Variants in PI4KA observed in about 807,000 individuals in gnomAD.
PI4KA encodes the protein phosphatidylinositol 4-kinase alpha, also known as PI4-kinase alpha.
PI4KA carries 122 observed loss-of-function variants against 271.4 expected under a neutral mutation model. The ratio of observed to expected loss-of-function variants is 0.45; its 90% CI spans 0.39 to 0.52. PI4KA has a LOEUF of 0.52. Ranked by LOEUF, PI4KA falls within the 20% of genes least tolerant of loss-of-function variation. PI4KA has a pLI of 0.00. For synonymous variants in PI4KA, 1,041 were observed against 1,078.8 expected, an observed-to-expected ratio of 0.96 and a Z score of 0.69; for missense variants, 1,969 against 2,769.1, an observed-to-expected ratio of 0.71 and a Z score of 6.48.
chr22:20,778,359 C>T (rs565939289), intron 19 of PI4KA, among the ~76,000 whole-genome samples: 1 of 152,138 alleles, frequency 6.6e-6, no homozygotes, highest in South Asian at 2.1e-4. Flanking sequence ...CAAAAATTAA[C>T]CAGGCGTAGT....
chr22:20,715,000 TG>T (rs1925796894), intron 45 of PI4KA, among the ~76,000 whole-genome samples: 1 of 152,034 alleles, frequency 6.6e-6, no homozygotes, highest in Non-Finnish European at 1.5e-5. Context: ...CTACTGCTTC[TG>T]GGGGTGCGTG....
intron 19 of PI4KA, among the ~76,000 whole-genome samples, chr22:20,775,042 G>T (rs1281582266): frequency 2.0e-5 from 3 of 152,080 alleles, no homozygotes; most frequent in Non-Finnish European, 4.4e-5. Context: ...ACTTTAGGCA[G>T]TTACTTCTCT....
At chr22:20,781,411 G>A (rs1299046448) in intron 19 of PI4KA, among the ~76,000 whole-genome samples, 2 of 152,220 alleles carry the variant, frequency 1.3e-5, no homozygotes, top group East Asian at 1.9e-4. Context: ...AGTACTTGGA[G>A]GCCAGTGCTT....
At chr22:20,836,342 T>C (rs1211302439) in intron 2 of PI4KA, among the ~76,000 whole-genome samples, 3 of 152,174 alleles carry the variant, frequency 2.0e-5, no homozygotes, top group South Asian at 2.1e-4. Context: ...TATACCATAA[T>C]AGATAACTAA....
chr22:20,775,271 T>C (rs165680), intron 19 of PI4KA, among the ~76,000 whole-genome samples: 69,575 of 152,082 alleles, frequency 0.46, 16,522 homozygotes, highest in African/African-American at 0.57. Context: ...GTAATCTGGA[T>C]TTAATCACAA....
chr22:20,729,521 CATA>C lies in PI4KA; in HGVS notation c.4489-18_4489-16del, dbSNP rs753906558. ...ATCTCAGTGGCCTGGCAAGATAAGA[CATA>C]AGGCCTGATATGCACCCCTTCTGTG... On this transcript the variant is annotated splice_polypyrimidine_tract_variant and intron_variant, in intron 38 of 54. Coordinates refer to ENST00000255882, the MANE Select transcript of PI4KA (RefSeq NM_058004.4). 1.3e-6 allele frequency: 2 copies of C among 1,570,522 alleles called. No individual in the cohort carries two copies. The highest frequency in any genetic ancestry group is 4.7e-5 in the East Asian group (2 of 42,442).
At chr22:20,839,511 A>G (rs988278380) in intron 1 of PI4KA, among the ~76,000 whole-genome samples, 2 of 152,210 alleles carry the variant, frequency 1.3e-5, no homozygotes, top group African/African-American at 4.8e-5. Context: ...AACCTGCATT[A>G]ACAATGCCTC....
chr22:20,712,025 G>C (rs1006699970), intron 50 of PI4KA, among the ~76,000 whole-genome samples: 1 of 149,742 alleles, frequency 6.7e-6, no homozygotes, highest in African/African-American at 2.5e-5. Context: ...TTACAGGCGT[G>C]AGCACTGCGC....
At chr22:20,765,821 A>C in intron 19 of PI4KA, 128 bp from the exon 20 acceptor site, 1 of 639,282 alleles carries the variant, frequency 1.6e-6, no homozygotes, top group Admixed American at 2.2e-5. Flanking sequence ...GGGTAGGAAA[A>C]GGCACACTGA....
At chr22:20,794,521 G>A (rs1934863822) in intron 18 of PI4KA, among the ~76,000 whole-genome samples, 1 of 152,170 alleles carries the variant, frequency 6.6e-6, no homozygotes, top group African/African-American at 2.4e-5. Context: ...CTGTCGGAGG[G>A]CCCGGCATAG....
At chr22:20,819,507 G>T in intron 6 of PI4KA, 134 bp downstream of exon 6, 1 of 815,278 alleles carries the variant, frequency 1.2e-6, no homozygotes, top group Non-Finnish European at 2.0e-6. Context: ...ACAAGTCTTT[G>T]TATTAAAGAG....
At chr22:20,837,374 G>GAATA in intron 2 of PI4KA, among the ~76,000 whole-genome samples, 1 of 116,738 alleles carries the variant, frequency 8.6e-6, no homozygotes. Context: ...GACACTCTAA[G>GAATA]AATAAATAAA....
intron 50 of PI4KA, 131 bp from the exon 51 acceptor site, chr22:20,711,592 C>T (rs1273121109): frequency 7.9e-6 from 8 of 1,019,052 alleles, no homozygotes; most frequent in East Asian, 2.6e-5. Flanking sequence ...AAGCAGAGCC[C>T]GAATCAGCAA....
chr22:20,758,657 T>C (rs543565130), intron 23 of PI4KA, among the ~76,000 whole-genome samples: 9 of 152,210 alleles, frequency 5.9e-5, no homozygotes, highest in Non-Finnish European at 1.0e-4. Flanking sequence ...AACAGATCAA[T>C]GAACAGTTCA....
intron 4 of PI4KA, among the ~76,000 whole-genome samples, chr22:20,822,379 T>A (rs1380025801): frequency 8.8e-6 from 1 of 113,418 alleles, no homozygotes; most frequent in Non-Finnish European, 1.8e-5. Context: ...TACCTAAGTC[T>A]TCTTTCGCAC....
chr22:20,719,035 C>A (rs865950680), intron 43 of PI4KA, among the ~76,000 whole-genome samples: 4 of 152,224 alleles, frequency 2.6e-5, no homozygotes, highest in Admixed American at 6.5e-5. Flanking sequence ...GAGCTCAAGG[C>A]AGGGGCCAAG....
chr22:20,818,541 A>C lies in PI4KA; in HGVS notation c.798T>G (p.Pro266=), dbSNP rs775493812. ...AACTGGGAGGGGGCATGCCGCGTTC[A>C]GGGCTGACCTGAAACACACAACCAC... is the stretch of plus-strand genomic sequence containing the variant. The part of the protein sequence containing the change: ...SSVSSISQVS[P]ERGMPPPSSP... The change falls in exon 7 of 55, where the codon CCT becomes CCG. Residue 266 remains proline (P), a synonymous_variant. Transcript: ENST00000255882. 4 of 1,542,918 alleles carry C rather than the reference A, an allele frequency of 2.6e-6. No individual in the cohort carries two copies. The Admixed American group carries it at 9.2e-5, about 35-fold the overall frequency.
intron 1 of PI4KA, among the ~76,000 whole-genome samples, chr22:20,846,924 G>A (rs1041260701): frequency 2.0e-5 from 3 of 151,374 alleles, no homozygotes; most frequent in Admixed American, 1.3e-4. Context: ...GAAGTGGGTG[G>A]ATCATGAGAT....
chr22:20,745,624 C>T (rs139748427), intron 29 of PI4KA, among the ~76,000 whole-genome samples: 36 of 152,178 alleles, frequency 2.4e-4, no homozygotes, highest in African/African-American at 7.9e-4. Flanking sequence ...AAATAAATTA[C>T]GTGAAACTGC....
Sources: allele counts gnomAD v4.1 joint callset (sites outside exome capture counted in the v4.1 genomes callset), GRCh38; gene constraint gnomAD v4.1.1; transcripts MANE v1.5; gene names NCBI Gene and HGNC (gene_info 2026-07-23, HGNC 2026-07-21).